The following DNAJB6 variants were observed in gnomAD, a reference collection of about 807,000 sequenced individuals.
The protein encoded by DNAJB6 is DnaJ heat shock protein family (Hsp40) member B6.
In DNAJB6, 16 loss-of-function variants were observed where a neutral mutation model predicts 42.7. The observed-to-expected ratio is 0.37, with a 90% confidence interval of 0.25 to 0.57. The LOEUF (loss-of-function observed/expected upper bound fraction) is 0.57. Ranked by LOEUF, DNAJB6 falls within the 20% of genes least tolerant of loss-of-function variation. DNAJB6 has a pLI of 0.74. For synonymous variants in DNAJB6, 170 were observed against 163.5 expected, an observed-to-expected ratio of 1.04 and a Z score of -0.30; for missense variants, 347 against 416.8, an observed-to-expected ratio of 0.83 and a Z score of 1.46.
intron 8 of DNAJB6, among the ~76,000 whole-genome samples, chr7:157,401,155 G>C (rs1584943651): frequency 6.6e-6 from 1 of 152,234 alleles, no homozygotes; most frequent in East Asian, 1.9e-4. Context: ...TCCTCCTCCT[G>C]TATCAAAGGA....
At chr7:157,415,991 T>C in intron 9 of DNAJB6, 25 bp from the exon 10 acceptor site, 2 of 1,614,092 alleles carry the variant, frequency 1.2e-6, no homozygotes, top group South Asian at 1.1e-5. Context: ...TTCCGTACAG[T>C]GTTTTACAAG....
chr7:157,351,316 T>G (rs113167658), intron 1 of DNAJB6, among the ~76,000 whole-genome samples: 4,429 of 152,192 alleles, frequency 0.029, 185 homozygotes, highest in African/African-American at 0.096. Flanking sequence ...ACTCATGGTT[T>G]TACCAAAAAC....
At chr7:157,400,457 C>T (rs188792859) in intron 8 of DNAJB6, among the ~76,000 whole-genome samples, 93 of 152,180 alleles carry the variant, frequency 6.1e-4, no homozygotes, top group African/African-American at 2.2e-3. Flanking sequence ...TTGGTGTGGC[C>T]GTCGGCTCCA....
intron 8 of DNAJB6, among the ~76,000 whole-genome samples, chr7:157,388,914 A>G (rs1163259858): frequency 6.6e-6 from 1 of 152,210 alleles, no homozygotes; most frequent in African/African-American, 2.4e-5. Flanking sequence ...TTTAGATTCC[A>G]AAGATTCCAG....
intron 6 of DNAJB6, among the ~76,000 whole-genome samples, chr7:157,383,611 T>TTGTG (rs57002445): frequency 0.096 from 14,400 of 149,562 alleles, 1,606 homozygotes; most frequent in African/African-American, 0.28. Context: ...GTATGTGTGT[T>TTGTG]TGTGTGTGTG....
At position 157,409,914 on chromosome 7, in the gene DNAJB6, C is replaced by CA; in HGVS notation, c.812dup (p.His271GlnfsTer8). ...GCCCCGGCCTGCCTCGCTGCTGAGA[C>CA]ACGCGCCTCACTGTCTCTCTGAGGA... On this transcript the variant is annotated frameshift_variant, in exon 9 of 10. Transcript: ENST00000262177. LOFTEE classifies it high-confidence loss of function. 6.5e-7 allele frequency: 1 copy of CA among 1,535,354 alleles called. No homozygotes were observed. The highest frequency in any genetic ancestry group is 8.7e-7 in the Non-Finnish European group (1 of 1,145,870).
At chr7:157,348,406 A>G (rs1391901625) in intron 1 of DNAJB6, among the ~76,000 whole-genome samples, 1 of 152,144 alleles carries the variant, frequency 6.6e-6, no homozygotes, top group Non-Finnish European at 1.5e-5. Flanking sequence ...ATTTTTTAAT[A>G]TTGCCATATT....
intron 2 of DNAJB6, among the ~76,000 whole-genome samples, chr7:157,362,431 A>G (rs374781135): frequency 3.4e-4 from 51 of 151,122 alleles, no homozygotes; most frequent in African/African-American, 1.2e-3. Flanking sequence ...CTGGAGTGCA[A>G]TGGTGCGATC....
rs527650898 is a variant in DNAJB6, at chr7:157,355,071, A to G, written c.-26-3476A>G. The stretch of plus-strand genomic sequence containing the variant: ...TGGGACTCATTGCTAAGTAAATTAT[A>G]TTTATGTAATGGGAAAGGATGAAAA... On this transcript the variant is annotated intron_variant, in intron 1 of 9. Transcript: ENST00000262177. Among the ~76,000 whole-genome samples the G allele has an allele frequency of 1.9e-4, 29 of 152,274 alleles. No homozygotes were observed. In the South Asian group the frequency reaches 4.6e-3, roughly 24 times the overall value.
At chr7:157,379,406 A>T (rs1031154975) in intron 5 of DNAJB6, 3 of 152,256 alleles carry the variant, frequency 2.0e-5, no homozygotes, top group African/African-American at 4.8e-5. Context: ...TTAACTCTAC[A>T]ACTTGGCTTA....
chr7:157,372,120 T>G (rs1489723748), intron 5 of DNAJB6: 1 of 152,640 alleles, frequency 6.6e-6, no homozygotes, highest in Non-Finnish European at 1.5e-5. Context: ...TAAATTATGA[T>G]AGTAGTCAGT....
Position 157,343,065 on chromosome 7 carries a change from C to G in DNAJB6, c.-27+5921C>G, listed in dbSNP as rs541298421. On this transcript the variant is annotated intron_variant, in intron 1 of 9. Transcript: ENST00000262177. ...GGAGTGCAGCGGCGTGATCTTGGCT[C>G]ACTGCAACCTTTGCCTCCCAGGCTC... Among the ~76,000 whole-genome samples the G allele has an allele frequency of 4.6e-5, 7 of 151,760 alleles. No individual in the cohort carries two copies. In the South Asian group the frequency reaches 1.5e-3, roughly 32 times the overall value.
In DNAJB6 at chr7:157,384,921, C is replaced by T. The variant is rs1381979382; in HGVS notation, c.533C>T (p.Thr178Met). 1.2e-6 allele frequency: 2 copies of T among 1,613,810 alleles called. No homozygotes were observed. The highest frequency in any genetic ancestry group is 1.3e-5 in the African/African-American group (1 of 75,040). The part of the protein sequence containing the change: ...GHGGLTSFSS[T>M]SFGGSGMGNF... The stretch of plus-strand genomic sequence containing the variant: ...GGGGGCCTCACTTCATTCTCTTCCA[C>T]GTCATTTGGTGGTAGTGGCATGGGC... Residue 178 changes from threonine (T) to methionine (M), a missense_variant, in exon 7 of 10, where the codon ACG (threonine) becomes ATG (methionine). Around this residue, in one of 3 missense-constraint regions of DNAJB6, gnomAD observed 264 missense variants for 288.0 expected, o/e 0.92. Transcript: ENST00000262177.
intron 8 of DNAJB6, among the ~76,000 whole-genome samples, chr7:157,401,238 AGAAG>A (rs1355793199): frequency 6.6e-6 from 1 of 151,296 alleles, no homozygotes. Context: ...TTTTTTTTTG[AGAAG>A]GAGTCTCACT....
At chr7:157,364,766 TC>T (rs1214016380) in intron 3 of DNAJB6, among the ~76,000 whole-genome samples, 1 of 152,196 alleles carries the variant, frequency 6.6e-6, no homozygotes, top group Admixed American at 6.5e-5. Context: ...CACTGAAAAG[TC>T]GCTTGGTTCT....
chr7:157,408,154 G>C (rs1412098372), intron 8 of DNAJB6, among the ~76,000 whole-genome samples: 3 of 152,202 alleles, frequency 2.0e-5, no homozygotes, highest in African/African-American at 7.2e-5. Flanking sequence ...AGAGATGTGC[G>C]TGCATTCTCC....
At chr7:157,346,268 T>A (rs1798677903) in intron 1 of DNAJB6, among the ~76,000 whole-genome samples, 1 of 139,754 alleles carries the variant, frequency 7.2e-6, no homozygotes, top group African/African-American at 2.6e-5. Context: ...GATATTAGGC[T>A]ACTCCGGGCA....
intron 5 of DNAJB6, chr7:157,369,625 A>G (rs1184137300): frequency 3.3e-6 from 1 of 300,104 alleles, no homozygotes; most frequent in Non-Finnish European, 6.5e-6. Flanking sequence ...TAACATTGTT[A>G]TTAAAGAGGC....
Position 157,342,048 on chromosome 7 carries a change from G to C in DNAJB6, c.-27+4904G>C, listed in dbSNP as rs553935760. ...CACCTGGCTAATTGTTGTATATTTA[G>C]TAGAGAGTGGGTTTTGCCATGTTGG... On this transcript the variant is annotated intron_variant, in intron 1 of 9. Coordinates refer to ENST00000262177, the MANE Select transcript of DNAJB6 (RefSeq NM_058246.4). Among the ~76,000 whole-genome samples, 3 of 152,260 alleles carry C rather than the reference G, an allele frequency of 2.0e-5. No homozygotes were observed. The South Asian group carries it at 6.2e-4, about 32-fold the overall frequency.
Sources: gnomAD v4.1 joint callset for allele counts (sites outside exome capture counted in the v4.1 genomes callset) on GRCh38, gnomAD v4.1.1 for gene constraint, gnomAD v4.1.1 regional missense constraint, MANE v1.5 for transcripts, NCBI Gene and HGNC (gene_info 2026-07-23, HGNC 2026-07-21) for gene names.